The following PARP4 variants were observed in gnomAD, a reference collection of about 807,000 sequenced individuals.
The protein encoded by PARP4 is protein mono-ADP-ribosyltransferase PARP4.
Under a neutral mutation model 187.7 loss-of-function variants are expected in PARP4, and 120 were observed. The ratio of observed to expected loss-of-function variants is 0.64; its 90% confidence interval spans 0.55 to 0.74. PARP4 has a LOEUF of 0.74. Ranked by LOEUF, PARP4 falls within the 30% of genes least tolerant of loss-of-function variation. The pLI is 0.00. For missense variants in PARP4, 1,836 were observed against 2,070.5 expected, an observed-to-expected ratio of 0.89 and a Z score of 2.20; for synonymous variants, 654 against 740.9, an observed-to-expected ratio of 0.88 and a Z score of 1.90.
chr13:24,493,973 T>C (rs1178118742), intron 7 of PARP4, among the ~76,000 whole-genome samples: 1 of 152,130 alleles, frequency 6.6e-6, no homozygotes, highest in Admixed American at 6.5e-5. Flanking sequence ...TCCTTCACCC[T>C]GTAAGCTCTA....
At chr13:24,431,607 G>A in intron 31 of PARP4, 131 bp from the exon 32 acceptor site, 1 of 651,758 alleles carries the variant, frequency 1.5e-6, no homozygotes. Context: ...AAGACAATTA[G>A]AAGCCCAAAC....
At chr13:24,422,755 C>T (rs767764695) in intron 33 of PARP4, among the ~76,000 whole-genome samples, 1 of 151,944 alleles carries the variant, frequency 6.6e-6, no homozygotes, top group Non-Finnish European at 1.5e-5. Context: ...ATTACAGACA[C>T]GTGCCACCAC....
intron 1 of PARP4, among the ~76,000 whole-genome samples, chr13:24,510,230 C>T (rs959244622): frequency 5.9e-5 from 9 of 152,148 alleles, no homozygotes; most frequent in African/African-American, 2.2e-4. Flanking sequence ...TTCATCCTTC[C>T]CCAAGTCATC....
At position 24,453,656 on chromosome 13, in the gene PARP4, T is replaced by C. The variant is rs775989158; in HGVS notation, c.2759-2A>G. On this transcript the variant is annotated splice_acceptor_variant, in intron 22 of 33. Coordinates refer to ENST00000381989, the MANE Select transcript of PARP4 (RefSeq NM_006437.4). LOFTEE classifies it high-confidence loss of function. ...GATACGAAAATAGCTCCTTGTAACC[T>C]GTGTAATAAGATCAGCATGAGGTGC... is the stretch of plus-strand genomic sequence containing the variant. 6.3e-7 allele frequency: 1 copy of C among 1,581,778 alleles called. No homozygotes were observed.
intron 20 of PARP4, among the ~76,000 whole-genome samples, chr13:24,457,621 T>A (rs770937647): frequency 1.3e-5 from 2 of 151,066 alleles, no homozygotes; most frequent in African/African-American, 4.9e-5. Flanking sequence ...AAATAGAAAA[T>A]TTAGCTGGGC....
At chr13:24,493,043 T>C (rs1265748932) in intron 8 of PARP4, among the ~76,000 whole-genome samples, 1 of 152,228 alleles carries the variant, frequency 6.6e-6, no homozygotes, top group African/African-American at 2.4e-5. Flanking sequence ...TAAATTAGTT[T>C]AATTCCACAG....
chr13:24,470,284 T>C (rs1426361299), intron 15 of PARP4, among the ~76,000 whole-genome samples: 1 of 152,226 alleles, frequency 6.6e-6, no homozygotes, highest in Non-Finnish European at 1.5e-5. Context: ...AACACTGACT[T>C]AGCAGACGCA....
Position 24,484,679 on chromosome 13 carries a change from A to G in PARP4, c.1422T>C (p.Ser474=). The change falls in exon 12 of 34, where the codon AGT becomes AGC. Residue 474 remains serine (S), a synonymous_variant. Transcript: ENST00000381989. ...VQRTDVGNLG[S]GIYFSDSLST... Reference sequence around the variant, plus strand: ...TGAGCGAATCACTGAAATAAATCCCACTTCCAAGGTTTCCGACGTCTGTTC... The same window carrying G: ...TGAGCGAATCACTGAAATAAATCCCGCTTCCAAGGTTTCCGACGTCTGTTC... 1 of 1,611,154 alleles carries G rather than the reference A, an allele frequency of 6.2e-7. No homozygotes were observed. The highest frequency in any genetic ancestry group is 1.3e-5 in the African/African-American group (1 of 74,996).
intron 18 of PARP4, 63 bp downstream of exon 18, chr13:24,459,909 A>G: frequency 5.7e-6 from 8 of 1,403,070 alleles, no homozygotes; most frequent in Non-Finnish European, 7.8e-6. Context: ...ATTCCTCCAC[A>G]GCCCTCCACC....
intron 1 of PARP4, among the ~76,000 whole-genome samples, 196 bp downstream of exon 1, chr13:24,512,510 G>C (rs999351573): frequency 1.3e-5 from 2 of 152,158 alleles, no homozygotes; most frequent in Non-Finnish European, 2.9e-5. Context: ...AGAGCGGAAC[G>C]ACCGCAATAT....
Position 24,483,510 on chromosome 13 carries a change from G to GT in PARP4, c.1448+1142dup, listed in dbSNP as rs1375607611. ...TCCGTCTCAAAAAAAAAAAAAAAAAGTTTTTTTTAGAGATGGGGTCTTGTT... is the reference window on the plus strand; with the variant it reads ...TCCGTCTCAAAAAAAAAAAAAAAAAGTTTTTTTTTAGAGATGGGGTCTTGTT... On this transcript the variant is annotated intron_variant, in intron 12 of 33. Transcript: ENST00000381989. Among the ~76,000 whole-genome samples, 1,138 of 124,802 alleles carry GT rather than the reference G, an allele frequency of 9.1e-3. 26 individuals are homozygous for GT. The highest frequency in any genetic ancestry group is 0.031 in the African/African-American group (1,038 of 33,822). 81.9% of individuals were successfully genotyped at this position (124,802 alleles called of 152,430 possible). A position where few individuals can be genotyped will look rare whatever the true frequency, so the allele number is the denominator to read the frequency against.
chr13:24,478,207 G>C lies in PARP4; in HGVS notation c.1518C>G (p.Ala506=), dbSNP rs1873087388. 6.2e-7 allele frequency: 1 copy of C among 1,613,464 alleles called. No individual in the cohort carries two copies. Among genetic ancestry groups the C allele is most frequent in the East Asian group, 2.2e-5 (1 of 44,864 alleles). The change falls in exon 13 of 34, where the codon GCC becomes GCG. Residue 506 remains alanine (A), a synonymous_variant. Transcript: ENST00000381989. ...GTRLLLICDV[A]LGKCMDLHEK... ...CATGTAAGTCCATACACTTTCCGAG[G>C]GCTACGTCACAAATGAGCAGGAGTC... is the stretch of plus-strand genomic sequence containing the variant.
At position 24,434,793 on chromosome 13, in the gene PARP4, C is replaced by G; in HGVS notation, c.4348G>C (p.Gly1450Arg). 6.2e-7 allele frequency: 1 copy of G among 1,612,614 alleles called. No homozygotes were observed. Among genetic ancestry groups the G allele is most frequent in the Non-Finnish European group, 8.5e-7 (1 of 1,179,430 alleles). The change falls in exon 31 of 34, where the codon GGT becomes CGT. Residue 1450 changes from glycine (G) to arginine (R), a missense_variant. This residue lies in a region of PARP4 where 450 missense variants were observed against 439.2 expected (regional missense o/e 1.02). Coordinates refer to ENST00000381989, the MANE Select transcript of PARP4 (RefSeq NM_006437.4). ...SLPTDPDPIR[G>R]FGSYHPSASS... ...GCAGAGGGATGATAAGACCCAAAAC[C>G]TCTGATGGGATCAGGGTCTGTAGGA...
chr13:24,466,709 C>T (rs767223473), intron 17 of PARP4, among the ~76,000 whole-genome samples: 6 of 147,956 alleles, frequency 4.1e-5, no homozygotes, highest in Non-Finnish European at 8.9e-5. Flanking sequence ...GCAGGAGAAT[C>T]GCTCAAACTG....
intron 12 of PARP4, among the ~76,000 whole-genome samples, chr13:24,480,894 T>C (rs1873243582): frequency 6.6e-6 from 1 of 152,252 alleles, no homozygotes; most frequent in South Asian, 2.1e-4. Context: ...TTGATGCAGG[T>C]GGCTTCACCA....
At position 24,456,344 on chromosome 13, in the gene PARP4, G is replaced by A. The variant is rs771263287; in HGVS notation, c.2559C>T (p.Ser853=). 5.9e-5 allele frequency: 94 copies of A among 1,606,004 alleles called. No individual in the cohort carries two copies. The highest frequency in any genetic ancestry group is 7.1e-5 in the Non-Finnish European group (83 of 1,174,378). Residue 853 remains serine (S), a synonymous_variant, in exon 21 of 34, where the codon AGC becomes AGT. Coordinates refer to ENST00000381989, the MANE Select transcript of PARP4 (RefSeq NM_006437.4). ...MWVEKHPEKE[S]EACMLVFQPD... ...GTCTAAGTAAAAAGGAGTATACCTCGCTTTCTTTTTCTGGATGTTTTTCAA... is the reference window on the plus strand; with the variant it reads ...GTCTAAGTAAAAAGGAGTATACCTCACTTTCTTTTTCTGGATGTTTTTCAA...
At chr13:24,487,942 A>T (rs1212791879) in intron 10 of PARP4, among the ~76,000 whole-genome samples, 2 of 152,202 alleles carry the variant, frequency 1.3e-5, no homozygotes, top group African/African-American at 2.4e-5. Context: ...AATTTTCTTC[A>T]TATTTTTAGA....
At chr13:24,453,871 T>C (rs1871668355) in intron 22 of PARP4, among the ~76,000 whole-genome samples, 1 of 152,096 alleles carries the variant, frequency 6.6e-6, no homozygotes, top group East Asian at 1.9e-4. Context: ...TCCCAGCACT[T>C]TGGGAGGCCG....
Position 24,435,412 on chromosome 13 carries a change from A to T in PARP4, c.3729T>A (p.Ile1243=). The part of the protein sequence containing the change: ...LRLSKRKHRK[I]PFSKRKMELS... ...ATTCCATTTTTCTTTTGGAAAATGG[A>T]ATTTTCCTATGTTTTCGTTTGGATA... Residue 1243 remains isoleucine (I), a synonymous_variant, in exon 31 of 34, where the codon ATT becomes ATA. Transcript: ENST00000381989. 6.2e-7 allele frequency: 1 copy of T among 1,611,416 alleles called. No homozygotes were observed. The highest frequency in any genetic ancestry group is 8.5e-7 in the Non-Finnish European group (1 of 1,179,514).
Sources: allele counts gnomAD v4.1 joint callset (sites outside exome capture counted in the v4.1 genomes callset), GRCh38; gene constraint gnomAD v4.1.1; regional missense constraint gnomAD v4.1.1; transcripts MANE v1.5; gene names NCBI Gene and HGNC (gene_info 2026-07-23, HGNC 2026-07-21).